The following PARVB variants were observed in gnomAD, a reference collection of about 807,000 sequenced individuals.
PARVB encodes beta-parvin.
In PARVB, 46 loss-of-function variants were observed where a neutral mutation model predicts 47.0. That is an observed-to-expected ratio of 0.98 (90% CI 0.77 to 1.25). The LOEUF is 1.25. PARVB is among the 50% of genes most tolerant of loss of function. The pLI, the probability that PARVB is intolerant of heterozygous loss-of-function variation, is 0.00. For missense variants in PARVB, 473 were observed against 471.6 expected (o/e 1.00, Z -0.03); for synonymous variants, 196 against 196.3 (o/e 1.00, Z 0.01).
At chr22:44,152,697 C>T (rs1222827531) in intron 10 of PARVB, 1 of 152,128 alleles carries the variant, frequency 6.6e-6, no homozygotes, top group Non-Finnish European at 1.5e-5. Context: ...GCTAAAGGAG[C>T]ATCCTTAAAT....
intron 3 of PARVB, 93 bp from the exon 4 acceptor site, chr22:44,118,945 G>A: frequency 3.5e-6 from 3 of 850,766 alleles, no homozygotes; most frequent in Non-Finnish European, 4.0e-6. Flanking sequence ...TGGCTGCAGA[G>A]CTGTGCAGTC....
rs370638316 is a variant in PARVB at position 44,118,999 on chromosome 22, G to A, written c.274-39G>A. On this transcript the variant is annotated intron_variant, in intron 3 of 12. Coordinates refer to ENST00000338758, the MANE Select transcript of PARVB (RefSeq NM_013327.5). ...CTGGTCACTGCCTCATTGCCGTGGC[G>A]CTGGTGGACTGAGGCCATAATGCCT... The A allele has an allele frequency of 3.1e-5, 44 of 1,401,746 alleles. No individual in the cohort carries two copies. The East Asian group carries it at 6.1e-4, about 20-fold the overall frequency. 86.8% of individuals were successfully genotyped at this position (1,401,746 alleles called of 1,614,324 possible).
At chr22:44,138,592 G>A (rs1015841904) in intron 7 of PARVB, among the ~76,000 whole-genome samples, 10 of 152,224 alleles carry the variant, frequency 6.6e-5, no homozygotes, top group South Asian at 4.2e-4. Flanking sequence ...GAAAACCAGC[G>A]GCCCAAAGAT....
Position 44,100,096 on chromosome 22 carries a change from A to G in PARVB, c.246A>G (p.Glu82=), listed in dbSNP as rs760333014. 1.1e-5 allele frequency: 17 copies of G among 1,614,090 alleles called. No homozygotes were observed. The highest frequency in any genetic ancestry group is 2.2e-5 in the South Asian group (2 of 91,086). Residue 82 remains glutamate, a synonymous_variant, in exon 3 of 13, where the codon GAA becomes GAG. Coordinates refer to ENST00000338758, the MANE Select transcript of PARVB (RefSeq NM_013327.5). The part of the protein sequence containing the change: ...ERTMIDPTSK[E]DPKFKELVKV... ...CGATGATTGACCCCACTTCCAAGGAAGACCCCAAGTTCAAGGAACTGGTCA... is the reference window on the plus strand; with the variant it reads ...CGATGATTGACCCCACTTCCAAGGAGGACCCCAAGTTCAAGGAACTGGTCA...
At chr22:44,062,452 A>G (rs940061855) in intron 1 of PARVB, among the ~76,000 whole-genome samples, 2 of 152,206 alleles carry the variant, frequency 1.3e-5, no homozygotes, top group Non-Finnish European at 2.9e-5. Flanking sequence ...AACCGGGCCA[A>G]CATAGTGAAA....
chr22:44,022,741 T>A (rs1486004632), upstream of PARVB, among the ~76,000 whole-genome samples: 1 of 131,826 alleles, frequency 7.6e-6, no homozygotes, highest in Admixed American at 7.4e-5. Context: ...TTTTTTTTTA[T>A]TTTTTATTTT....
rs1569134188 is a variant in PARVB at position 44,122,510 on chromosome 22, GAGAGAGAGACAGAGAGAC to G, written c.376+3380_376+3397del. Reference sequence around the variant, plus strand: ...ATCAAGAGAGAGAGAGAGAGAGAGAGAGAGAGAGACAGAGAGACAGAGAGAGAGAGAGAGAGAGAGAGA... The same window carrying G: ...ATCAAGAGAGAGAGAGAGAGAGAGAGAGAGAGAGAGAGAGAGAGAGAGAGA... On this transcript the variant is annotated intron_variant, in intron 4 of 12. Transcript: ENST00000338758. Among the ~76,000 whole-genome samples the G allele has an allele frequency of 9.4e-3, 854 of 91,260 alleles. 56 individuals carry two copies. The highest frequency in any genetic ancestry group is 0.029 in the African/African-American group (449 of 15,224). The allele number at this position is 91,260 out of a possible 152,430, so 59.9% of individuals were successfully genotyped here.
chr22:44,121,713 A>G lies in PARVB; in HGVS notation c.376+2573A>G, dbSNP rs117827792. 2.6e-3 allele frequency among the ~76,000 whole-genome samples: 394 copies of G among 152,298 alleles called. 17 individuals are homozygous for G. The East Asian group carries it at 0.062, about 24-fold the overall frequency. On this transcript the variant is annotated intron_variant, in intron 4 of 12. Transcript: ENST00000338758. The stretch of plus-strand genomic sequence containing the variant: ...CATTGCTTCTAGTCTCTTTAAGCCA[A>G]AAGAGGTAGCAAATATATAGTTTTT...
chr22:44,043,411 C>T (rs932749583), intron 1 of PARVB, among the ~76,000 whole-genome samples: 2 of 152,166 alleles, frequency 1.3e-5, no homozygotes, highest in Non-Finnish European at 2.9e-5. Context: ...CGGAGTCTTG[C>T]TCTGTCGCCC....
chr22:44,035,265 C>A (rs2050899246), intron 1 of PARVB, among the ~76,000 whole-genome samples: 1 of 152,146 alleles, frequency 6.6e-6, no homozygotes, highest in African/African-American at 2.4e-5. Context: ...AAGATGAATG[C>A]TCTGAAGTGG....
At position 44,169,528 on chromosome 22, in the gene PARVB, G is replaced by A. The variant is rs1325087428; in HGVS notation, c.*850G>A. On this transcript the variant is annotated 3_prime_UTR_variant, in exon 13 of 13. Transcript: ENST00000338758. The stretch of plus-strand genomic sequence containing the variant: ...TCTTTGGAAACTTTAAAATGAGGGG[G>A]GTGCATTGGTTCACTGGCACTGTGT... 6.7e-6 allele frequency: 1 copy of A among 149,828 alleles called. No individual in the cohort carries two copies. The highest frequency in any genetic ancestry group is 1.5e-5 in the Non-Finnish European group (1 of 68,052). The allele number at this position is 149,828 out of a possible 1,614,324, so 9.3% of individuals were successfully genotyped here.
At chr22:44,151,119 C>T (rs2053798211) in intron 9 of PARVB, 2 of 180,100 alleles carry the variant, frequency 1.1e-5, no homozygotes, top group South Asian at 1.3e-4. Flanking sequence ...GTTTATTGTT[C>T]CAGGTCACAC....
chr22:44,035,386 T>C (rs1250101066), intron 1 of PARVB, among the ~76,000 whole-genome samples: 5 of 149,236 alleles, frequency 3.4e-5, no homozygotes, highest in African/African-American at 1.0e-4. Flanking sequence ...TTTTTTTTTT[T>C]TTGAGACGGA....
chr22:44,088,720 C>A (rs2052091349), intron 1 of PARVB, among the ~76,000 whole-genome samples: 1 of 152,140 alleles, frequency 6.6e-6, no homozygotes, highest in East Asian at 1.9e-4. Flanking sequence ...GATTTGCCCA[C>A]CTTGGCCTCC....
At position 44,075,152 on chromosome 22, in the gene PARVB, C is replaced by T. The variant is rs546213713; in HGVS notation, c.113-18776C>T. Among the ~76,000 whole-genome samples, 188 of 152,246 alleles carry T rather than the reference C, an allele frequency of 1.2e-3. 2 individuals are homozygous for T. The highest frequency in any genetic ancestry group is 5.6e-3 in the South Asian group (27 of 4,820). ...AGATCCGCTGAGCTGAGAGGCTCCCCGGAAGCAGGTGGTGAAGGAAGGGAA... is the reference window on the plus strand; with the variant it reads ...AGATCCGCTGAGCTGAGAGGCTCCCTGGAAGCAGGTGGTGAAGGAAGGGAA... On this transcript the variant is annotated intron_variant, in intron 1 of 12. Transcript: ENST00000338758.
At chr22:44,158,220 A>G (rs2053978828) in intron 11 of PARVB, 137 bp downstream of exon 11, 1 of 615,422 alleles carries the variant, frequency 1.6e-6, no homozygotes, top group Admixed American at 2.9e-5. Flanking sequence ...TGATATTGCA[A>G]TTAGATGTAA....
At position 44,066,780 on chromosome 22, in the gene PARVB, TCTCCTCCTC is replaced by T. The variant is rs199990350; in HGVS notation, c.113-27114_113-27106del. On this transcript the variant is annotated intron_variant, in intron 1 of 12. Transcript: ENST00000338758. ...TGATGACATCAGTCCCTTAATTATT[TCTCCTCCTC>T]CTCCTCCTCCTCCTCCTCCTCCTCC... 4.6e-3 allele frequency among the ~76,000 whole-genome samples: 220 copies of T among 48,114 alleles called. 3 individuals carry two copies. The highest frequency in any genetic ancestry group is 8.2e-3 in the African/African-American group (87 of 10,582). 31.6% of individuals were successfully genotyped at this position (48,114 alleles called of 152,430 possible).
chr22:44,001,774 G>A (rs958920238), intron 2 of PARVB, among the ~76,000 whole-genome samples: 2 of 152,102 alleles, frequency 1.3e-5, no homozygotes, highest in African/African-American at 4.8e-5. Flanking sequence ...AGATACCCAC[G>A]TCTGAATCAC....
At chr22:44,081,461 T>A (rs1041094508) in intron 1 of PARVB, 4 of 261,602 alleles carry the variant, frequency 1.5e-5, no homozygotes, top group Non-Finnish European at 2.4e-5. Context: ...GACTTAATGA[T>A]TTAATCTTCT....
Sources: allele counts gnomAD v4.1 joint callset (sites outside exome capture counted in the v4.1 genomes callset), GRCh38; gene constraint gnomAD v4.1.1; transcripts MANE v1.5; gene names NCBI Gene and HGNC (gene_info 2026-07-23, HGNC 2026-07-21).